The following MINK1 variants were observed in gnomAD, a reference collection of about 807,000 sequenced individuals.
The protein encoded by MINK1 is misshapen like kinase 1, also known as misshapen-like kinase 1.
In MINK1, 46 loss-of-function variants were observed where a neutral mutation model predicts 178.4. The ratio of observed to expected loss-of-function variants is 0.26; its 90% CI spans 0.20 to 0.33. MINK1 has a LOEUF of 0.33. Ranked by LOEUF, MINK1 falls within the 10% of genes least tolerant of loss-of-function variation. The pLI, the probability that MINK1 is intolerant of heterozygous loss-of-function variation, is 1.00. For missense variants in MINK1, 1,366 were observed against 1,814.9 expected (o/e 0.75, Z 4.49); for synonymous variants, 797 against 709.7 (o/e 1.12, Z -1.96).
intron 1 of MINK1, among the ~76,000 whole-genome samples, chr17:4,872,882 G>C (rs1026717447): frequency 4.6e-5 from 7 of 152,186 alleles, no homozygotes; most frequent in Non-Finnish European, 8.8e-5. Flanking sequence ...TTTGCTGCCA[G>C]CTCTAGCTGT....
In MINK1 at chr17:4,896,434, G is replaced by A. The variant is rs1969485953; in HGVS notation, c.3621G>A (p.Gln1207=). 6.2e-7 allele frequency: 1 copy of A among 1,613,848 alleles called. No homozygotes were observed. Among genetic ancestry groups the A allele is most frequent in the Non-Finnish European group, 8.5e-7 (1 of 1,179,816 alleles). Residue 1207 remains glutamine, a synonymous_variant, in exon 30 of 32, where the codon CAG becomes CAA. Coordinates refer to ENST00000355280, the MANE Select transcript of MINK1 (RefSeq NM_153827.5). This position sits in a 1 kb window ranked among gnomAD's most constrained non-coding sequence, Gnocchi z 4.6. The stretch of plus-strand genomic sequence containing the variant: ...GTCCCCCTCCTTCTCCCCAGATCCA[G>A]AGCCAGATCACGCCCCATGCCATCA... ...SYDIYIPVHI[Q]SQITPHAIIF... is the part of the protein sequence containing the mutation.
intron 2 of MINK1, among the ~76,000 whole-genome samples, chr17:4,879,796 C>T (rs1018906778): frequency 1.3e-5 from 2 of 152,148 alleles, no homozygotes; most frequent in African/African-American, 4.8e-5. Context: ...TCGGCGGGCC[C>T]CTCTGTGTTT....
At chr17:4,874,255 T>C (rs1264985020) in intron 1 of MINK1, among the ~76,000 whole-genome samples, 1 of 152,218 alleles carries the variant, frequency 6.6e-6, no homozygotes, top group Non-Finnish European at 1.5e-5. Flanking sequence ...AAATATGTAA[T>C]GGATGAATGA....
intron 2 of MINK1, 141 bp downstream of exon 2, chr17:4,878,523 G>C: frequency 2.7e-6 from 2 of 741,226 alleles, no homozygotes; most frequent in Admixed American, 2.4e-5. Context: ...AAGGTAGAGT[G>C]GGGGAGAGGA....
At chr17:4,869,040 C>T (rs1361744022) in intron 1 of MINK1, among the ~76,000 whole-genome samples, 1 of 152,044 alleles carries the variant, frequency 6.6e-6, no homozygotes, top group South Asian at 2.1e-4. Flanking sequence ...TCTCCTGCCC[C>T]AGCCTCCCAA....
intron 20 of MINK1, 79 bp downstream of exon 20, chr17:4,893,146 G>C (rs77185535): frequency 0.12 from 175,772 of 1,500,592 alleles, 16,172 homozygotes; most frequent in East Asian, 0.47. Flanking sequence ...GTCAGGGGTG[G>C]GGTCTCCGCT....
chr17:4,897,121 C>T, intron 31 of MINK1, 83 bp from the exon 32 acceptor site: 3 of 1,176,770 alleles, frequency 2.5e-6, no homozygotes, highest in Non-Finnish European at 3.7e-6. Context: ...CTTCTGCCAC[C>T]CCTTCTTCCC....
In MINK1 at chr17:4,895,250, A is replaced by C. The variant is rs765887546; in HGVS notation, c.3085+8A>C. 6.2e-7 allele frequency: 1 copy of C among 1,613,882 alleles called. No homozygotes were observed. The highest frequency in any genetic ancestry group is 8.5e-7 in the Non-Finnish European group (1 of 1,179,936). The stretch of plus-strand genomic sequence containing the variant: ...TCTGTGCAGCCCTTTGGGGTAAGCC[A>C]GGGCAGGGACAGCTGAGGAGGCTCT... On this transcript the variant is annotated splice_region_variant and intron_variant, in intron 25 of 31. Coordinates refer to ENST00000355280, the MANE Select transcript of MINK1 (RefSeq NM_153827.5). The surrounding 1 kb of genome is among the most constrained non-coding windows in gnomAD (Gnocchi z 4.3).
At position 4,889,807 on chromosome 17, in the gene MINK1, C is replaced by G; in HGVS notation, c.1347+44C>G. 1.4e-6 allele frequency: 2 copies of G among 1,396,510 alleles called. 1 individual carries two copies. The highest frequency in any genetic ancestry group is 5.1e-5 in the East Asian group (2 of 39,562). 86.5% of individuals were successfully genotyped at this position (1,396,510 alleles called of 1,614,324 possible). ...ATCCCTGCCCTCCCGCCCTCCCGCT[C>G]CTGCTGCCTGCCGCCCCTGCTCCCC... On this transcript the variant is annotated intron_variant, in intron 13 of 31. Transcript: ENST00000355280.
chr17:4,885,583 T>A lies in MINK1; in HGVS notation c.609T>A (p.Asp203Glu), dbSNP rs1198531849. Residue 203 changes from aspartate to glutamate, a missense_variant, in exon 7 of 32, where the codon GAT (aspartate) becomes GAA (glutamate). Transcript: ENST00000355280. This position sits in a 1 kb window ranked among gnomAD's most constrained non-coding sequence, Gnocchi z 5.0. Reference protein sequence around the residue: ...YWMAPEVIACDENPDATYDYR... With the variant: ...YWMAPEVIACEENPDATYDYR... ...TGGCTCCAGAGGTCATCGCCTGTGATGAGAACCCTGATGCCACCTATGATT... is the reference window on the plus strand; with the variant it reads ...TGGCTCCAGAGGTCATCGCCTGTGAAGAGAACCCTGATGCCACCTATGATT... 1 of 1,613,812 alleles carries A rather than the reference T, an allele frequency of 6.2e-7. No individual in the cohort carries two copies. The highest frequency in any genetic ancestry group is 1.3e-5 in the African/African-American group (1 of 74,902).
intron 1 of MINK1, among the ~76,000 whole-genome samples, chr17:4,858,350 G>A (rs1476103004): frequency 2.0e-5 from 3 of 152,108 alleles, no homozygotes; most frequent in East Asian, 3.8e-4. Flanking sequence ...ACTGGTACCC[G>A]ATAAACAGAG....
At chr17:4,890,157 C>A in intron 13 of MINK1, 1 of 733,824 alleles carries the variant, frequency 1.4e-6, no homozygotes, top group Non-Finnish European at 1.9e-6. Context: ...CTCGCTGCTG[C>A]TGCCCTCCTC....
rs1246962429 is a variant in MINK1, at chr17:4,833,593, C to T, written c.10C>T (p.Pro4Ser). 1.4e-5 allele frequency: 21 copies of T among 1,500,436 alleles called. No individual in the cohort carries two copies. The highest frequency in any genetic ancestry group is 1.9e-5 in the Non-Finnish European group (21 of 1,131,190). The allele number at this position is 1,500,436 out of a possible 1,614,324, so 92.9% of individuals were successfully genotyped here. Residue 4 changes from proline (P) to serine (S), a missense_variant, in exon 1 of 32, where the codon CCA becomes TCA. Pro to Ser is a moderately conservative substitution (Grantham distance 74, BLOSUM62 -1). Transcript: ENST00000355280. The surrounding 1 kb of genome is among the most constrained non-coding windows in gnomAD (Gnocchi z 4.8). Reference protein sequence around the residue: MGDPAPARSLDDID... With the variant: MGDSAPARSLDDID... ...GTTCCCCACGGAGGCCATGGGCGACCCAGCCCCCGCCCGCAGCCTGGACGA... is the reference window on the plus strand; with the variant it reads ...GTTCCCCACGGAGGCCATGGGCGACTCAGCCCCCGCCCGCAGCCTGGACGA...
At chr17:4,840,957 G>A (rs1182636438) in intron 1 of MINK1, among the ~76,000 whole-genome samples, 1 of 152,094 alleles carries the variant, frequency 6.6e-6, no homozygotes, top group African/African-American at 2.4e-5. Context: ...GCTGGAGAGA[G>A]ATGAATGGAG....
chr17:4,846,161 G>A (rs1910992092), intron 1 of MINK1, among the ~76,000 whole-genome samples: 1 of 152,242 alleles, frequency 6.6e-6, no homozygotes, highest in African/African-American at 2.4e-5. Flanking sequence ...GTAGGCTGGG[G>A]TGGTATCTTA....
intron 1 of MINK1, among the ~76,000 whole-genome samples, chr17:4,869,044 C>T (rs1448289229): frequency 6.6e-6 from 1 of 152,038 alleles, no homozygotes; most frequent in East Asian, 1.9e-4. Context: ...CTGCCCCAGC[C>T]TCCCAAGTAG....
Position 4,887,822 on chromosome 17 carries a change from G to T in MINK1, c.1230+32G>T. The T allele has an allele frequency of 6.9e-7, 1 of 1,452,112 alleles. No homozygotes were observed. The highest frequency in any genetic ancestry group is 9.1e-7 in the Non-Finnish European group (1 of 1,101,078). 90.0% of individuals were successfully genotyped at this position (1,452,112 alleles called of 1,614,324 possible). On this transcript the variant is annotated intron_variant, in intron 12 of 31. Coordinates refer to ENST00000355280, the MANE Select transcript of MINK1 (RefSeq NM_153827.5). The surrounding 1 kb of genome is among the most constrained non-coding windows in gnomAD (Gnocchi z 7.6). ...TGTCTCCGAAGGGCCCAGGCCTGGC[G>T]CGGCCTCCTCCTGACCTGCCCCGGG...
chr17:4,885,725 T>C lies in MINK1; in HGVS notation c.639+112T>C. ...GAGGAAGGTCAGATGATGTTAGCAG[T>C]GAGGGGCTGGGGAACATCTTACGGC... is the stretch of plus-strand genomic sequence containing the variant. On this transcript the variant is annotated intron_variant, in intron 7 of 31. Coordinates refer to ENST00000355280, the MANE Select transcript of MINK1 (RefSeq NM_153827.5). This position sits in a 1 kb window ranked among gnomAD's most constrained non-coding sequence, Gnocchi z 5.0. The C allele has an allele frequency of 6.7e-7, 1 of 1,484,262 alleles. No individual in the cohort carries two copies. Among genetic ancestry groups the C allele is most frequent in the Admixed American group, 1.9e-5 (1 of 52,452 alleles). The allele number at this position is 1,484,262 out of a possible 1,614,324, so 91.9% of individuals were successfully genotyped here. A position where few individuals can be genotyped will look rare whatever the true frequency, so the allele number is the denominator to read the frequency against.
intron 1 of MINK1, among the ~76,000 whole-genome samples, chr17:4,838,542 A>T (rs1179356101): frequency 6.6e-6 from 1 of 152,204 alleles, no homozygotes; most frequent in East Asian, 1.9e-4. Context: ...CACAACTTGC[A>T]CATGTAAACC....
Sources: gnomAD v4.1 joint callset for allele counts (sites outside exome capture counted in the v4.1 genomes callset) on GRCh38, gnomAD v4.1.1 for gene constraint, Gnocchi (gnomAD v3.1) non-coding constraint, MANE v1.5 for transcripts, NCBI Gene and HGNC (gene_info 2026-07-23, HGNC 2026-07-21) for gene names.